The following APBA1 variants were observed in gnomAD, a reference collection of about 807,000 sequenced individuals.
APBA1 encodes the protein amyloid beta precursor protein binding family A member 1.
Under a neutral mutation model 86.6 loss-of-function variants are expected in APBA1, and 55 were observed. The ratio of observed to expected loss-of-function variants is 0.64; its 90% confidence interval spans 0.51 to 0.80. The LOEUF (loss-of-function observed/expected upper bound fraction) is 0.80, where lower values mean the gene tolerates loss of function less well. Ranked by LOEUF, APBA1 falls within the 30% of genes least tolerant of loss-of-function variation. The pLI, the probability that APBA1 is intolerant of heterozygous loss-of-function variation, is 0.00. For missense variants in APBA1, 1,090 were observed against 1,183.0 expected, an observed-to-expected ratio of 0.92 and a Z score of 1.15; for synonymous variants, 511 against 493.9, an observed-to-expected ratio of 1.03 and a Z score of -0.46.
At chr9:69,550,220 A>G (rs1836763883) in intron 1 of APBA1, among the ~76,000 whole-genome samples, 1 of 152,212 alleles carries the variant, frequency 6.6e-6, no homozygotes, top group African/African-American at 2.4e-5. Flanking sequence ...TGTTGTGCAC[A>G]TATTAACTTA....
At position 69,516,520 on chromosome 9, in the gene APBA1, G is replaced by A; in HGVS notation, c.691C>T (p.Leu231=). 5.0e-6 allele frequency: 8 copies of A among 1,595,526 alleles called. No individual in the cohort carries two copies. The highest frequency in any genetic ancestry group is 6.8e-6 in the Non-Finnish European group (8 of 1,176,628). The change falls in exon 2 of 13, where the codon CTG becomes TTG. Residue 231 remains leucine (L), a synonymous_variant. Coordinates refer to ENST00000265381, the MANE Select transcript of APBA1 (RefSeq NM_001163.4). The surrounding 1 kb of genome is among the most constrained non-coding windows in gnomAD (Gnocchi z 7.3). ...DEAAAYRQEA[L]GARLHHYDER... is the part of the protein sequence containing the mutation. ...TCGTAATGGTGCAGCCGCGCGCCCA[G>A]GGCCTCCTGGCGGTACGCGGCCGCC...
chr9:69,435,228 T>C (rs1834686308), intron 11 of APBA1, among the ~76,000 whole-genome samples: 1 of 152,132 alleles, frequency 6.6e-6, no homozygotes, highest in Non-Finnish European at 1.5e-5. Context: ...AAGTCTTTGC[T>C]ATTGTGAATA....
At chr9:69,581,208 A>G (rs1366720830) in intron 1 of APBA1, among the ~76,000 whole-genome samples, 1 of 152,084 alleles carries the variant, frequency 6.6e-6, no homozygotes, top group African/African-American at 2.4e-5. Context: ...GTCAAAATGC[A>G]TTTTCCCCTC....
chr9:69,658,945 AC>A (rs1228602538), intron 1 of APBA1, among the ~76,000 whole-genome samples: 1 of 152,026 alleles, frequency 6.6e-6, no homozygotes, highest in Non-Finnish European at 1.5e-5. Context: ...GAGCTCCCCC[AC>A]CCCACACAGG....
intron 1 of APBA1, among the ~76,000 whole-genome samples, chr9:69,537,426 T>C (rs1207424980): frequency 1.3e-5 from 2 of 152,038 alleles, no homozygotes; most frequent in African/African-American, 2.4e-5. Context: ...GGGAAGCCTA[T>C]ATGGCTAGGA....
rs565024562 is a variant in APBA1, at chr9:69,432,590, G to A, written c.2388C>T (p.Val796=). Residue 796 remains valine, a synonymous_variant, in exon 12 of 13, where the codon GTC becomes GTT. Coordinates refer to ENST00000265381, the MANE Select transcript of APBA1 (RefSeq NM_001163.4). ...CGATCTTCTCGTGGGGGGTGGCCAC[G>A]ACGCTCTGTCCATTGATTTCAATGA... ...HRIIEINGQS[V]VATPHEKIVH... is the part of the protein sequence containing the mutation. The A allele has an allele frequency of 4.4e-6, 7 of 1,606,040 alleles. No homozygotes were observed. Among genetic ancestry groups the A allele is most frequent in the African/African-American group, 2.7e-5 (2 of 74,562 alleles).
chr9:69,651,674 C>T (rs1188893155), intron 1 of APBA1, among the ~76,000 whole-genome samples: 2 of 152,152 alleles, frequency 1.3e-5, no homozygotes, highest in Non-Finnish European at 2.9e-5. Context: ...CGGGGTTTCG[C>T]CATGTTGGCC....
chr9:69,585,726 A>G (rs572047932), intron 1 of APBA1, among the ~76,000 whole-genome samples: 17 of 152,280 alleles, frequency 1.1e-4, no homozygotes, highest in East Asian at 9.6e-4. Flanking sequence ...CTCCCTGTTC[A>G]TAAGACTTAT....
At chr9:69,502,517 T>TA (rs1196821013) in intron 2 of APBA1, among the ~76,000 whole-genome samples, 2 of 152,024 alleles carry the variant, frequency 1.3e-5, no homozygotes, top group African/African-American at 4.8e-5. Context: ...ATTAAATCTT[T>TA]AAAAAAATTA....
chr9:69,511,516 G>A (rs57180205), intron 2 of APBA1, among the ~76,000 whole-genome samples: 11,900 of 151,840 alleles, frequency 0.078, 523 homozygotes, highest in African/African-American at 0.098. Context: ...TCAGTGTGGC[G>A]ATTCCTCAGG....
At chr9:69,440,201 G>T (rs1350927479) in intron 11 of APBA1, among the ~76,000 whole-genome samples, 1 of 152,336 alleles carries the variant, frequency 6.6e-6, no homozygotes, top group South Asian at 2.1e-4. Context: ...CTACTGGGGG[G>T]TGCCTCCCAG....
At chr9:69,573,349 G>A (rs1355178789) in intron 1 of APBA1, among the ~76,000 whole-genome samples, 1 of 151,982 alleles carries the variant, frequency 6.6e-6, no homozygotes, top group Non-Finnish European at 1.5e-5. Context: ...GTGGTCCCAG[G>A]TACTTGGGAG....
intron 4 of APBA1, among the ~76,000 whole-genome samples, chr9:69,470,576 A>C (rs1835351171): frequency 6.6e-6 from 1 of 152,208 alleles, no homozygotes; most frequent in Non-Finnish European, 1.5e-5. Flanking sequence ...AACTAAACCA[A>C]AACTGTGAGC....
chr9:69,485,673 C>T (rs908759108), intron 2 of APBA1, among the ~76,000 whole-genome samples: 5 of 152,040 alleles, frequency 3.3e-5, no homozygotes, highest in African/African-American at 9.7e-5. Context: ...GGACACAGTG[C>T]GCAGAGATGA....
rs78103512 is a variant in APBA1, at chr9:69,583,057, G to A, written c.-69-65778C>T. Among the ~76,000 whole-genome samples the A allele has an allele frequency of 3.3e-3, 502 of 152,300 alleles. 1 individual carries two copies. Among genetic ancestry groups the A allele is most frequent in the African/African-American group, 0.011 (471 of 41,568 alleles). ...TCTGGTATGGCCAACCCAGAGATCT[G>A]TTCTTTGTCTATGAGGAACATCTGA... is the stretch of plus-strand genomic sequence containing the variant. On this transcript the variant is annotated intron_variant, in intron 1 of 12. Transcript: ENST00000265381.
intron 1 of APBA1, among the ~76,000 whole-genome samples, chr9:69,636,623 C>A (rs1026066652): frequency 1.3e-5 from 2 of 151,602 alleles, no homozygotes; most frequent in African/African-American, 4.9e-5. Context: ...CAGTGAAACC[C>A]CATCTCTACA....
intron 2 of APBA1, among the ~76,000 whole-genome samples, chr9:69,492,819 A>G (rs1192930365): frequency 2.0e-5 from 3 of 152,130 alleles, no homozygotes; most frequent in African/African-American, 7.2e-5. Context: ...GCCCTAGCCA[A>G]CTTTAATGAG....
intron 10 of APBA1, among the ~76,000 whole-genome samples, chr9:69,448,326 T>C (rs1329765251): frequency 6.6e-6 from 1 of 152,268 alleles, no homozygotes; most frequent in East Asian, 1.9e-4. Flanking sequence ...CGCAGCTCAG[T>C]GCCTCACAGA....
At chr9:69,605,865 T>G (rs1822459860) in intron 1 of APBA1, among the ~76,000 whole-genome samples, 1 of 152,236 alleles carries the variant, frequency 6.6e-6, no homozygotes, top group African/African-American at 2.4e-5. Flanking sequence ...TTCCCAGCAC[T>G]TAGCAGAGTA....
Sources: gnomAD v4.1 joint callset for allele counts (sites outside exome capture counted in the v4.1 genomes callset) on GRCh38, gnomAD v4.1.1 for gene constraint, Gnocchi (gnomAD v3.1) non-coding constraint, MANE v1.5 for transcripts, NCBI Gene and HGNC (gene_info 2026-07-23, HGNC 2026-07-21) for gene names.